CLIC5: variants seen among roughly 807,000 people sequenced by gnomAD.
CLIC5 encodes chloride intracellular channel protein 5.
A neutral mutation model predicts 24.7 loss-of-function variants in CLIC5; 20 were observed. That is an observed-to-expected ratio of 0.81 (90% CI 0.57 to 1.18). The LOEUF (loss-of-function observed/expected upper bound fraction) is 1.18. Among genes scored for constraint, CLIC5 ranks in the 50% most tolerant of loss-of-function variants. The pLI is 0.00. For synonymous variants in CLIC5, 159 were observed against 135.6 expected (o/e 1.17, Z -1.20); for missense variants, 341 against 326.1 (o/e 1.05, Z -0.35).
At chr6:45,927,786 A>G (rs957532905) in intron 4 of CLIC5, among the ~76,000 whole-genome samples, 5 of 152,170 alleles carry the variant, frequency 3.3e-5, no homozygotes, top group Admixed American at 6.5e-5. Context: ...ATTCAAAGCC[A>G]TCTCTTTGAG....
chr6:45,896,362 C>T (rs1262225529), downstream of CLIC5, among the ~76,000 whole-genome samples: 1 of 152,202 alleles, frequency 6.6e-6, no homozygotes, highest in Non-Finnish European at 1.5e-5. Context: ...TACTCTTCAT[C>T]AGAGATTGTA....
chr6:45,933,724 A>T (rs1217725758), intron 4 of CLIC5, among the ~76,000 whole-genome samples: 1 of 152,222 alleles, frequency 6.6e-6, no homozygotes, highest in Non-Finnish European at 1.5e-5. Context: ...AAGCCCAGAC[A>T]GGCTGTTCTG....
chr6:45,957,642 T>G (rs1764689404), intron 1 of CLIC5, among the ~76,000 whole-genome samples: 4 of 152,220 alleles, frequency 2.6e-5, no homozygotes, highest in Admixed American at 2.6e-4. Flanking sequence ...TCATTATGTC[T>G]TATTAATCTT....
intron 2 of CLIC5, among the ~76,000 whole-genome samples, chr6:45,953,237 A>ATT (rs936932017): frequency 6.6e-6 from 1 of 151,270 alleles, no homozygotes; most frequent in Non-Finnish European, 1.5e-5. Flanking sequence ...ACATTATGTG[A>ATT]TTTTTTTTTA....
At chr6:45,997,334 T>A (rs1008159445) in intron 1 of CLIC5, among the ~76,000 whole-genome samples, 5 of 125,016 alleles carry the variant, frequency 4.0e-5, no homozygotes, top group African/African-American at 1.2e-4. Context: ...AAGGGGAACA[T>A]CACACTCTGG....
At chr6:46,087,768 A>G in the CLIC5 span, among the ~76,000 whole-genome samples, 1 of 152,172 alleles carries the variant, frequency 6.6e-6, no homozygotes, top group Non-Finnish European at 1.5e-5. Flanking sequence ...CAGATAGCCA[A>G]CTTCAAAGAG....
At chr6:46,058,097 T>G (rs1535110) in intron 1 of CLIC5, among the ~76,000 whole-genome samples, 55,346 of 146,540 alleles carry the variant, frequency 0.38, 10,444 homozygotes, top group African/African-American at 0.46. Flanking sequence ...GTGTGTGTGT[T>G]TGTCTGGATA....
At chr6:45,952,750 C>A (rs536372500) in intron 2 of CLIC5, among the ~76,000 whole-genome samples, 44 of 152,232 alleles carry the variant, frequency 2.9e-4, no homozygotes, top group Non-Finnish European at 5.1e-4. Context: ...AAGGAGGAAC[C>A]AAACCATCTG....
At position 45,949,269 on chromosome 6, in the gene CLIC5, A is replaced by T. The variant is rs1488066668; in HGVS notation, c.286T>A (p.Leu96Met). ...ACAGATCCTTACTTTTCAGGGGTCA[A>T]GGTCTCCTCCAGGAACTCCTCGATC... ...NKIEEFLEET[L>M]TPEKYPKLAA... Residue 96 changes from leucine (L) to methionine (M), a missense_variant, in exon 3 of 6, where the codon TTG (leucine) becomes ATG (methionine). Leu to Met is a conservative substitution (Grantham distance 15, BLOSUM62 2). Transcript: ENST00000339561. 1 of 1,613,550 alleles carries T rather than the reference A, an allele frequency of 6.2e-7. No individual in the cohort carries two copies.
the CLIC5 span, among the ~76,000 whole-genome samples, chr6:46,104,521 T>C: frequency 6.6e-6 from 1 of 152,042 alleles, no homozygotes; most frequent in East Asian, 1.9e-4. Flanking sequence ...TATCTGAGAC[T>C]GTCCCTGGTA....
At chr6:45,936,083 G>A (rs1763921600) in intron 4 of CLIC5, among the ~76,000 whole-genome samples, 1 of 151,660 alleles carries the variant, frequency 6.6e-6, no homozygotes. Flanking sequence ...TGATCCTTGG[G>A]CATCGTCTTA....
the CLIC5 span, among the ~76,000 whole-genome samples, chr6:46,114,931 C>T: frequency 6.6e-6 from 1 of 152,010 alleles, no homozygotes; most frequent in East Asian, 1.9e-4. Flanking sequence ...AGTGGGTGAC[C>T]AGGGCAAAAA....
chr6:45,962,020 G>A (rs1247597812), intron 1 of CLIC5, among the ~76,000 whole-genome samples: 1 of 149,976 alleles, frequency 6.7e-6, no homozygotes, highest in Admixed American at 6.7e-5. Flanking sequence ...ACATGTATGT[G>A]TGTGTGTGTG....
intron 1 of CLIC5, among the ~76,000 whole-genome samples, chr6:46,072,043 A>G (rs1250948792): frequency 6.6e-6 from 1 of 152,074 alleles, no homozygotes; most frequent in Non-Finnish European, 1.5e-5. Flanking sequence ...ATGAGAACAC[A>G]CAGACAAATA....
At chr6:46,038,877 T>C (rs1767733156) in intron 1 of CLIC5, among the ~76,000 whole-genome samples, 1 of 152,198 alleles carries the variant, frequency 6.6e-6, no homozygotes, top group Non-Finnish European at 1.5e-5. Flanking sequence ...GCAGATGAGT[T>C]GGGAAAAGAT....
intron 6 of CLIC5, among the ~76,000 whole-genome samples, chr6:45,884,375 A>G (rs1269960715): frequency 6.6e-6 from 1 of 152,222 alleles, no homozygotes; most frequent in Non-Finnish European, 1.5e-5. Flanking sequence ...TGCAGGAGAC[A>G]GTTTGGAGTT....
chr6:45,913,856 G>A, intron 5 of CLIC5: 1 of 1,204,566 alleles, frequency 8.3e-7, no homozygotes, highest in Non-Finnish European at 1.0e-6. Flanking sequence ...ATTTAATAGA[G>A]CTGTAGGGGT....
At chr6:46,043,572 T>A (rs1767874363) in intron 1 of CLIC5, among the ~76,000 whole-genome samples, 1 of 152,232 alleles carries the variant, frequency 6.6e-6, no homozygotes, top group Non-Finnish European at 1.5e-5. Flanking sequence ...GTTCACTTTT[T>A]ATATTGAGGT....
chr6:45,970,516 C>T (rs889196130), intron 1 of CLIC5, among the ~76,000 whole-genome samples: 13 of 152,172 alleles, frequency 8.5e-5, no homozygotes, highest in Non-Finnish European at 1.6e-4. Context: ...AGGAAATGTT[C>T]TCTTTATTGT....
Sources: gnomAD v4.1 joint callset for allele counts (sites outside exome capture counted in the v4.1 genomes callset) on GRCh38, gnomAD v4.1.1 for gene constraint, MANE v1.5 for transcripts, NCBI Gene and HGNC (gene_info 2026-07-23, HGNC 2026-07-21) for gene names.